Variants in ARID3B observed in about 807,000 individuals in gnomAD.
ARID3B encodes AT-rich interaction domain 3B.
In ARID3B, 10 loss-of-function variants were observed where a neutral mutation model predicts 51.9. The observed-to-expected ratio is 0.19, with a 90% CI of 0.12 to 0.33. The LOEUF is 0.33. Among genes scored for constraint, ARID3B ranks in the 10% least tolerant of loss-of-function variants. The pLI is 1.00. For synonymous variants in ARID3B, 205 were observed against 279.5 expected (o/e 0.73, Z 2.66); for missense variants, 483 against 716.3 (o/e 0.67, Z 3.72).
intron 4 of ARID3B, chr15:74,574,079 C>A (rs2061728764): frequency 6.6e-6 from 1 of 152,368 alleles, no homozygotes; most frequent in Non-Finnish European, 1.5e-5. Flanking sequence ...CCTCCCAATT[C>A]TCTTTCCTTC....
At position 74,593,129 on chromosome 15, in the gene ARID3B, C is replaced by T. The variant is rs1332877912; in HGVS notation, c.1421-9C>T. ...TTGACCAGGCCCACTGTCTCCCTGT[C>T]CCCAGCAGAAGACAGAGCAGAGGCC... is the stretch of plus-strand genomic sequence containing the variant. On this transcript the variant is annotated splice_polypyrimidine_tract_variant and intron_variant, in intron 7 of 8. Coordinates refer to ENST00000346246, the MANE Select transcript of ARID3B (RefSeq NM_006465.4). 1.2e-6 allele frequency: 2 copies of T among 1,611,692 alleles called. No individual in the cohort carries two copies. The highest frequency in any genetic ancestry group is 8.5e-7 in the Non-Finnish European group (1 of 1,179,474).
intron 4 of ARID3B, among the ~76,000 whole-genome samples, chr15:74,579,088 C>T (rs145699173): frequency 3.3e-5 from 5 of 152,294 alleles, no homozygotes; most frequent in Admixed American, 6.5e-5. Flanking sequence ...CACAGCAGGC[C>T]GCCCCGAATG....
chr15:74,542,530 C>G (rs370419379), intron 1 of ARID3B, among the ~76,000 whole-genome samples: 11 of 152,292 alleles, frequency 7.2e-5, no homozygotes, highest in East Asian at 3.9e-4. Flanking sequence ...CTTTTTTACT[C>G]TAACCTGGAA....
chr15:74,555,020 G>C (rs1033651791), intron 2 of ARID3B, among the ~76,000 whole-genome samples: 1 of 152,152 alleles, frequency 6.6e-6, no homozygotes, highest in African/African-American at 2.4e-5. Flanking sequence ...AGAAATGGTA[G>C]ATGTTTGTGG....
intron 2 of ARID3B, among the ~76,000 whole-genome samples, chr15:74,556,843 C>T (rs1596253107): frequency 1.4e-5 from 2 of 140,048 alleles, no homozygotes; most frequent in East Asian, 2.3e-4. Context: ...GGTGCAATCT[C>T]GGCTCACTGC....
chr15:74,582,788 G>A (rs1434570597), intron 4 of ARID3B, among the ~76,000 whole-genome samples: 1 of 152,164 alleles, frequency 6.6e-6, no homozygotes, highest in Non-Finnish European at 1.5e-5. Context: ...CATATTCATA[G>A]CAGCTCCATT....
intron 2 of ARID3B, among the ~76,000 whole-genome samples, chr15:74,558,379 A>T (rs556667400): frequency 6.6e-6 from 1 of 151,856 alleles, no homozygotes; most frequent in Non-Finnish European, 1.5e-5. Context: ...GTTCTACTTT[A>T]TGGCTCTTTA....
chr15:74,562,925 A>G (rs917887460), intron 2 of ARID3B, among the ~76,000 whole-genome samples: 3 of 152,206 alleles, frequency 2.0e-5, no homozygotes, highest in Non-Finnish European at 4.4e-5. Context: ...TTTACCTGCT[A>G]TCTTTAGGAA....
chr15:74,545,868 G>T (rs2061613837), intron 2 of ARID3B, among the ~76,000 whole-genome samples: 1 of 152,120 alleles, frequency 6.6e-6, no homozygotes, highest in African/African-American at 2.4e-5. Flanking sequence ...TTTTAGTAGG[G>T]CTCTGATTTG....
At chr15:74,548,595 A>G (rs960844623) in intron 2 of ARID3B, among the ~76,000 whole-genome samples, 6 of 152,214 alleles carry the variant, frequency 3.9e-5, no homozygotes, top group Non-Finnish European at 8.8e-5. Flanking sequence ...GGAAGGGTTT[A>G]ATTTCAGAAT....
Position 74,591,886 on chromosome 15 carries a change from G to A in ARID3B, c.1420+72G>A. ...CCCATTCACGCCTCCTGGGACTGGTGGGGCAGGGGTGGTGAGGCACATACT... is the reference window on the plus strand; with the variant it reads ...CCCATTCACGCCTCCTGGGACTGGTAGGGCAGGGGTGGTGAGGCACATACT... On this transcript the variant is annotated intron_variant, in intron 7 of 8. Coordinates refer to ENST00000346246, the MANE Select transcript of ARID3B (RefSeq NM_006465.4). The surrounding 1 kb of genome is among the most constrained non-coding windows in gnomAD (Gnocchi z 5.8). 6.4e-7 allele frequency: 1 copy of A among 1,563,472 alleles called. No homozygotes were observed. Among genetic ancestry groups the A allele is most frequent in the South Asian group, 1.2e-5 (1 of 82,842 alleles).
In ARID3B at chr15:74,591,548, G is replaced by T; in HGVS notation, c.1166-12G>T. 2 of 1,610,084 alleles carry T rather than the reference G, an allele frequency of 1.2e-6. No individual in the cohort carries two copies. Among genetic ancestry groups the T allele is most frequent in the South Asian group, 2.2e-5 (2 of 90,892 alleles). Reference sequence around the variant, plus strand: ...TCAATTGTGGATTGGTCCAGCTCCAGTTCCTTTGCAGGTGATGGAGCCCCA... The same window carrying T: ...TCAATTGTGGATTGGTCCAGCTCCATTTCCTTTGCAGGTGATGGAGCCCCA... On this transcript the variant is annotated splice_polypyrimidine_tract_variant and intron_variant, in intron 6 of 8. Transcript: ENST00000346246. The surrounding 1 kb of genome is among the most constrained non-coding windows in gnomAD (Gnocchi z 5.8).
chr15:74,589,726 G>A (rs2061796221), intron 4 of ARID3B, 94 bp from the exon 5 acceptor site: 4 of 1,321,408 alleles, frequency 3.0e-6, no homozygotes, highest in Non-Finnish European at 4.2e-6. Context: ...GATGAGCATT[G>A]TTTCCAGCTC....
chr15:74,551,371 A>G (rs763024230), intron 2 of ARID3B, among the ~76,000 whole-genome samples: 25 of 152,206 alleles, frequency 1.6e-4, no homozygotes, highest in Non-Finnish European at 3.2e-4. Context: ...ATCTTTCCGT[A>G]TTAGCATAGG....
chr15:74,551,474 C>T (rs578142683), intron 2 of ARID3B, among the ~76,000 whole-genome samples: 116 of 152,138 alleles, frequency 7.6e-4, no homozygotes, highest in African/African-American at 2.7e-3. Context: ...GGGTCCTTAC[C>T]CTCTCACCAG....
At chr15:74,593,391 G>C (rs1437513961) in intron 8 of ARID3B, 155 bp downstream of exon 8, 1 of 655,142 alleles carries the variant, frequency 1.5e-6, no homozygotes, top group Non-Finnish European at 2.6e-6. Flanking sequence ...GTGGTCCTCT[G>C]GACTAGTAGA....
chr15:74,578,865 A>G (rs565514007), intron 4 of ARID3B, among the ~76,000 whole-genome samples: 7 of 152,296 alleles, frequency 4.6e-5, no homozygotes, highest in East Asian at 1.9e-4. Context: ...TTGCACTACA[A>G]CCTGGGCAAC....
intron 7 of ARID3B, among the ~76,000 whole-genome samples, chr15:74,592,366 C>T (rs773128833): frequency 8.5e-5 from 13 of 152,232 alleles, no homozygotes; most frequent in Non-Finnish European, 1.8e-4. Context: ...GCCCCTTTTC[C>T]CATTCACACA....
At chr15:74,541,686 T>TG (rs2061595941) in intron 1 of ARID3B, among the ~76,000 whole-genome samples, 1 of 33,374 alleles carries the variant, frequency 3.0e-5, no homozygotes, top group African/African-American at 1.3e-4. Context: ...GAATAAAGAA[T>TG]GGGGGGAGGC....
Sources: allele counts gnomAD v4.1 joint callset (sites outside exome capture counted in the v4.1 genomes callset), GRCh38; gene constraint gnomAD v4.1.1; non-coding constraint Gnocchi (gnomAD v3.1); transcripts MANE v1.5; gene names NCBI Gene and HGNC (gene_info 2026-07-23, HGNC 2026-07-21).